The following LRRTM3 variants were observed in gnomAD, a reference collection of about 807,000 sequenced individuals.
LRRTM3 encodes the protein leucine-rich repeat transmembrane neuronal protein 3.
In LRRTM3, 24 loss-of-function variants were observed where a neutral mutation model predicts 44.7. That is an observed-to-expected ratio of 0.54 (90% CI 0.39 to 0.76). The LOEUF is 0.76. Among genes scored for constraint, LRRTM3 ranks in the 30% least tolerant of loss-of-function variants. LRRTM3 has a pLI of 0.00. For missense variants in LRRTM3, 587 were observed against 702.2 expected (o/e 0.84, Z 1.85); for synonymous variants, 277 against 278.7 (o/e 0.99, Z 0.06).
At chr10:66,979,367 G>T (rs998891255) in intron 2 of LRRTM3, among the ~76,000 whole-genome samples, 5 of 152,010 alleles carry the variant, frequency 3.3e-5, no homozygotes, top group Non-Finnish European at 1.5e-5. Context: ...GTTTTAATTT[G>T]CTCACAGTAT....
rs543574522 is a variant in LRRTM3 at position 67,066,163 on chromosome 10, T to C, written c.1537-31424T>C. Among the ~76,000 whole-genome samples the C allele has an allele frequency of 2.0e-5, 3 of 150,270 alleles. No homozygotes were observed. The East Asian group carries it at 5.9e-4, about 30-fold the overall frequency. ...ACCATCACCAGTGCTCGTTTCCCTATAGCACACTGCTGTGCCCACTGAAGT... is the reference window on the plus strand; with the variant it reads ...ACCATCACCAGTGCTCGTTTCCCTACAGCACACTGCTGTGCCCACTGAAGT... On this transcript the variant is annotated intron_variant, in intron 2 of 2. Coordinates refer to ENST00000361320, the MANE Select transcript of LRRTM3 (RefSeq NM_178011.5).
At chr10:66,968,815 A>C (rs1436076093) in intron 2 of LRRTM3, among the ~76,000 whole-genome samples, 1 of 152,022 alleles carries the variant, frequency 6.6e-6, no homozygotes, top group African/African-American at 2.4e-5. Flanking sequence ...TCAGGAGTTT[A>C]AGACGAGCCT....
intron 2 of LRRTM3, among the ~76,000 whole-genome samples, chr10:66,951,124 T>C (rs1342443675): frequency 6.8e-6 from 1 of 146,592 alleles, no homozygotes; most frequent in African/African-American, 2.5e-5. Context: ...CACACTGTCT[T>C]TTTTTTTTTT....
chr10:67,047,060 C>G (rs139448404), intron 2 of LRRTM3, among the ~76,000 whole-genome samples: 3 of 152,298 alleles, frequency 2.0e-5, no homozygotes, highest in Non-Finnish European at 4.4e-5. Flanking sequence ...TATCTGATTC[C>G]TTGCTTCTGC....
In LRRTM3 at chr10:66,926,204, C is replaced by A; in HGVS notation, c.-380C>A. The A allele has an allele frequency of 2.2e-6, 1 of 449,366 alleles. No homozygotes were observed. Among genetic ancestry groups the A allele is most frequent in the Non-Finnish European group, 4.4e-6 (1 of 227,588 alleles). 27.8% of individuals were successfully genotyped at this position (449,366 alleles called of 1,614,324 possible). On this transcript the variant is annotated 5_prime_UTR_variant, in exon 1 of 3. Transcript: ENST00000361320. ...TACAGATGTGGCAGCTCAGGTAGCCCCAAATTGCCTGGAAGAATACATCAT... is the reference window on the plus strand; with the variant it reads ...TACAGATGTGGCAGCTCAGGTAGCCACAAATTGCCTGGAAGAATACATCAT...
intron 2 of LRRTM3, among the ~76,000 whole-genome samples, chr10:67,081,565 A>T (rs1857056674): frequency 6.6e-6 from 1 of 152,094 alleles, no homozygotes; most frequent in East Asian, 1.9e-4. Flanking sequence ...AACCCTATTG[A>T]TAGTATCTGA....
intron 2 of LRRTM3, among the ~76,000 whole-genome samples, chr10:66,958,165 T>C (rs1259967457): frequency 1.3e-5 from 2 of 152,216 alleles, no homozygotes; most frequent in Middle Eastern, 3.4e-3. Context: ...CTAGTATCAT[T>C]TGTGAATATT....
Position 67,025,129 on chromosome 10 carries a change from C to CAA in LRRTM3, c.1537-72454_1537-72453dup, listed in dbSNP as rs1206262968. ...CTGAGCAACAAGAGCAAAACTCTGT[C>CAA]AAAAACAAAAAAAAAAAAGAAAGAA... On this transcript the variant is annotated intron_variant, in intron 2 of 2. Coordinates refer to ENST00000361320, the MANE Select transcript of LRRTM3 (RefSeq NM_178011.5). Among the ~76,000 whole-genome samples, 155 of 25,368 alleles carry CAA rather than the reference C, an allele frequency of 6.1e-3. 2 individuals are homozygous for CAA. Among genetic ancestry groups the CAA allele is most frequent in the African/African-American group, 1.0e-2 (151 of 15,174 alleles). The allele number at this position is 25,368 out of a possible 152,430, so 16.6% of individuals were successfully genotyped here.
chr10:67,005,682 CTTTTTTT>C (rs11369576), intron 2 of LRRTM3, among the ~76,000 whole-genome samples: 3 of 61,976 alleles, frequency 4.8e-5, no homozygotes, highest in Non-Finnish European at 5.9e-5. Flanking sequence ...TTTACTCCAT[CTTTTTTT>C]TTTTTTTTTT....
intron 2 of LRRTM3, among the ~76,000 whole-genome samples, chr10:66,980,603 G>A (rs771841189): frequency 4.2e-4 from 63 of 150,740 alleles, no homozygotes; most frequent in Non-Finnish European, 6.8e-4. Context: ...GAGTAGCAAC[G>A]TGGCAGATGG....
At chr10:67,011,356 A>T (rs1049959842) in intron 2 of LRRTM3, among the ~76,000 whole-genome samples, 1 of 151,410 alleles carries the variant, frequency 6.6e-6, no homozygotes, top group Admixed American at 6.6e-5. Context: ...AAAAAAAAAA[A>T]GCTAGCCTGT....
rs1858139614 is a variant in LRRTM3 at position 67,098,349 on chromosome 10, T to C, written c.*553T>C. ...AAACATGCACGATTTTTATTATGCT[T>C]ACTGCGTAGAATTTTATCTACTTGT... On this transcript the variant is annotated 3_prime_UTR_variant, in exon 3 of 3. Transcript: ENST00000361320. 1 of 152,560 alleles carries C rather than the reference T, an allele frequency of 6.6e-6. No individual in the cohort carries two copies. Among genetic ancestry groups the C allele is most frequent in the African/African-American group, 2.4e-5 (1 of 41,432 alleles). The allele number at this position is 152,560 out of a possible 1,614,324, so 9.5% of individuals were successfully genotyped here.
chr10:66,995,967 T>C (rs1056885288), intron 2 of LRRTM3, among the ~76,000 whole-genome samples: 1 of 152,236 alleles, frequency 6.6e-6, no homozygotes, highest in South Asian at 2.1e-4. Context: ...CCTATAAACA[T>C]AAATTATTTT....
chr10:67,051,357 C>T (rs1346557800), intron 2 of LRRTM3, among the ~76,000 whole-genome samples: 1 of 152,172 alleles, frequency 6.6e-6, no homozygotes, highest in African/African-American at 2.4e-5. Flanking sequence ...TAGTAGCCAC[C>T]AAAAGATATT....
intron 2 of LRRTM3, among the ~76,000 whole-genome samples, chr10:66,984,708 G>A (rs1169988636): frequency 6.6e-6 from 1 of 151,970 alleles, no homozygotes; most frequent in Non-Finnish European, 1.5e-5. Flanking sequence ...TGTACTTGAT[G>A]ACTAAAGTCA....
At chr10:67,072,438 G>A (rs1292374085) in intron 2 of LRRTM3, among the ~76,000 whole-genome samples, 1 of 151,926 alleles carries the variant, frequency 6.6e-6, no homozygotes, top group Non-Finnish European at 1.5e-5. Flanking sequence ...GTATGTCTAC[G>A]TACTCTTTTA....
chr10:66,933,197 C>A (rs980133626), intron 2 of LRRTM3, among the ~76,000 whole-genome samples: 1 of 152,214 alleles, frequency 6.6e-6, no homozygotes, highest in African/African-American at 2.4e-5. Context: ...GAACCCCAAG[C>A]CCATTTTACA....
chr10:67,030,460 C>T (rs1376314500), intron 2 of LRRTM3, among the ~76,000 whole-genome samples: 1 of 151,966 alleles, frequency 6.6e-6, no homozygotes, highest in Non-Finnish European at 1.5e-5. Flanking sequence ...TATATTTATA[C>T]ATTATGTGTA....
At chr10:67,092,749 G>A (rs1857731663) in intron 2 of LRRTM3, among the ~76,000 whole-genome samples, 1 of 151,952 alleles carries the variant, frequency 6.6e-6, no homozygotes, top group African/African-American at 2.4e-5. Context: ...CTTTTTATGT[G>A]AAAGGTACAT....
Sources: allele counts gnomAD v4.1 joint callset (sites outside exome capture counted in the v4.1 genomes callset), GRCh38; gene constraint gnomAD v4.1.1; transcripts MANE v1.5; gene names NCBI Gene and HGNC (gene_info 2026-07-23, HGNC 2026-07-21).